The following ACVR1C variants were observed in gnomAD, a reference collection of about 807,000 sequenced individuals.
ACVR1C encodes activin A receptor type 1C.
A neutral mutation model predicts 57.9 loss-of-function variants in ACVR1C; 23 were observed. That is an observed-to-expected ratio of 0.40 (90% CI 0.29 to 0.56). ACVR1C has a LOEUF of 0.56. Among genes scored for constraint, ACVR1C ranks in the 20% least tolerant of loss-of-function variants. ACVR1C has a pLI of 0.50. For synonymous variants in ACVR1C, 214 were observed against 215.3 expected, an observed-to-expected ratio of 0.99 and a Z score of 0.05; for missense variants, 480 against 607.9, an observed-to-expected ratio of 0.79 and a Z score of 2.21.
chr2:157,565,457 C>A (rs1688346422), intron 2 of ACVR1C, among the ~76,000 whole-genome samples: 1 of 152,110 alleles, frequency 6.6e-6, no homozygotes, highest in South Asian at 2.1e-4. Context: ...TCGCTTAGAT[C>A]CCTCCAACAT....
intron 8 of ACVR1C, among the ~76,000 whole-genome samples, chr2:157,535,143 C>CAAAAAA: frequency 1.0e-5 from 1 of 95,998 alleles, no homozygotes; most frequent in South Asian, 3.5e-4. Flanking sequence ...AGACTCTGTC[C>CAAAAAA]AAAAAAAAAA....
At chr2:157,555,500 G>C (rs1001978420) in intron 3 of ACVR1C, among the ~76,000 whole-genome samples, 1 of 152,188 alleles carries the variant, frequency 6.6e-6, no homozygotes, top group Non-Finnish European at 1.5e-5. Flanking sequence ...GCCAGCAAAA[G>C]CCAGCACAGG....
intron 2 of ACVR1C, 142 bp from the exon 3 acceptor site, chr2:157,556,474 T>C (rs781655911): frequency 1.3e-5 from 14 of 1,102,076 alleles, no homozygotes; most frequent in Non-Finnish European, 1.8e-5. Context: ...AAAGGCTCTC[T>C]GTGGTATAAG....
chr2:157,584,149 T>C (rs1479457766), intron 2 of ACVR1C, among the ~76,000 whole-genome samples: 2 of 151,456 alleles, frequency 1.3e-5, no homozygotes, highest in South Asian at 2.1e-4. Flanking sequence ...TATAAAGAAC[T>C]CTTCCAATTC....
chr2:157,536,543 T>A (rs1403200898), intron 8 of ACVR1C, among the ~76,000 whole-genome samples: 1 of 152,164 alleles, frequency 6.6e-6, no homozygotes, highest in Non-Finnish European at 1.5e-5. Context: ...TAACCTAAAT[T>A]TCTATGGTTA....
chr2:157,538,736 G>T (rs745601280), intron 7 of ACVR1C, 33 bp from the exon 8 acceptor site: 4 of 1,440,238 alleles, frequency 2.8e-6, no homozygotes, highest in Non-Finnish European at 9.2e-7. Flanking sequence ...ATTTCCATGT[G>T]CAAATAATAA....
intron 3 of ACVR1C, among the ~76,000 whole-genome samples, chr2:157,553,646 T>C (rs1473725916): frequency 6.6e-6 from 1 of 152,200 alleles, no homozygotes; most frequent in Non-Finnish European, 1.5e-5. Context: ...AGTTCCAAAA[T>C]GCACGTTTTT....
chr2:157,628,706 G>A lies in ACVR1C; in HGVS notation c.-62C>T, dbSNP rs1682962933. The A allele has an allele frequency of 1.4e-6, 2 of 1,389,588 alleles. No homozygotes were observed. Among genetic ancestry groups the A allele is most frequent in the Non-Finnish European group, 1.9e-6 (2 of 1,057,370 alleles). The allele number at this position is 1,389,588 out of a possible 1,614,324, so 86.1% of individuals were successfully genotyped here. A position where few individuals can be genotyped will look rare whatever the true frequency, so the allele number is the denominator to read the frequency against. On this transcript the variant is annotated 5_prime_UTR_variant, in exon 1 of 9. Coordinates refer to ENST00000243349, the MANE Select transcript of ACVR1C (RefSeq NM_145259.3). Reference sequence around the variant, plus strand: ...AGAGCAGAGCGAGGCAGCCGGGGCAGCACGGCCCGCTTTGAAGTTCCCGGG... The same window carrying A: ...AGAGCAGAGCGAGGCAGCCGGGGCAACACGGCCCGCTTTGAAGTTCCCGGG...
At chr2:157,572,303 A>C (rs572922917) in intron 2 of ACVR1C, among the ~76,000 whole-genome samples, 29 of 148,254 alleles carry the variant, frequency 2.0e-4, no homozygotes, top group Admixed American at 2.0e-3. Flanking sequence ...CCAGCATGGC[A>C]CATGTATACA....
In ACVR1C at chr2:157,554,283, G is replaced by GGAAGGA. The variant is rs1339528061; in HGVS notation, c.544+1809_544+1810insTCCTTC. Among the ~76,000 whole-genome samples the GGAAGGA allele has an allele frequency of 9.3e-4, 102 of 109,958 alleles. 2 individuals are homozygous for GGAAGGA. Among genetic ancestry groups the GGAAGGA allele is most frequent in the African/African-American group, 4.3e-3 (93 of 21,782 alleles). 72.1% of individuals were successfully genotyped at this position (109,958 alleles called of 152,430 possible). On this transcript the variant is annotated intron_variant, in intron 3 of 8. Coordinates refer to ENST00000243349, the MANE Select transcript of ACVR1C (RefSeq NM_145259.3). Reference sequence around the variant, plus strand: ...AGAAAGAAAGAAAGGAAGGAAGGAAGAGAGAGAGAGAGAGAAAGAAAGAAA... The same window carrying GGAAGGA: ...AGAAAGAAAGAAAGGAAGGAAGGAAGGAAGGAAGAGAGAGAGAGAGAAAGAAAGAAA...
chr2:157,596,719 C>G (rs1403725571), intron 1 of ACVR1C, among the ~76,000 whole-genome samples: 1 of 152,146 alleles, frequency 6.6e-6, no homozygotes, highest in Non-Finnish European at 1.5e-5. Context: ...ATATACAAAT[C>G]TCCTTGACAG....
At chr2:157,606,346 T>C (rs554302969) in intron 1 of ACVR1C, among the ~76,000 whole-genome samples, 1 of 151,932 alleles carries the variant, frequency 6.6e-6, no homozygotes, top group East Asian at 1.9e-4. Flanking sequence ...TGAATGGTAG[T>C]TCTAATTTTA....
intron 2 of ACVR1C, among the ~76,000 whole-genome samples, chr2:157,557,858 A>C (rs950933424): frequency 5.3e-5 from 8 of 152,108 alleles, no homozygotes; most frequent in Non-Finnish European, 1.5e-5. Flanking sequence ...TTAGAAAAAA[A>C]GTGATACATG....
chr2:157,575,724 A>G (rs1688629465), intron 2 of ACVR1C, among the ~76,000 whole-genome samples: 5 of 152,222 alleles, frequency 3.3e-5, no homozygotes, highest in African/African-American at 1.2e-4. Context: ...AAAAAGTCTA[A>G]GTTCTCCCGT....
chr2:157,606,440 T>G (rs1457166108), intron 1 of ACVR1C, among the ~76,000 whole-genome samples: 1 of 151,940 alleles, frequency 6.6e-6, no homozygotes, highest in Non-Finnish European at 1.5e-5. Context: ...AGTTCACTTT[T>G]CTGTGGACAC....
intron 8 of ACVR1C, among the ~76,000 whole-genome samples, chr2:157,538,159 G>A (rs1310423163): frequency 6.6e-6 from 1 of 152,128 alleles, no homozygotes; most frequent in East Asian, 1.9e-4. Context: ...TGGAAAAGAT[G>A]TGTGTCACCT....
chr2:157,577,876 T>C (rs894805381), intron 2 of ACVR1C, among the ~76,000 whole-genome samples: 3 of 151,940 alleles, frequency 2.0e-5, no homozygotes, highest in Non-Finnish European at 4.4e-5. Context: ...TGTTTTTTTG[T>C]TTTTGTTTTT....
intron 1 of ACVR1C, among the ~76,000 whole-genome samples, chr2:157,599,109 C>T (rs1378205586): frequency 1.3e-5 from 2 of 151,598 alleles, no homozygotes; most frequent in South Asian, 2.1e-4. Flanking sequence ...ACGAGGCAGG[C>T]GGATCACGAA....
chr2:157,555,946 A>G, intron 3 of ACVR1C, 147 bp downstream of exon 3: 2 of 927,882 alleles, frequency 2.2e-6, no homozygotes, highest in African/African-American at 3.3e-5. Context: ...TTCCTCAGGT[A>G]CTAAAAGGAG....
Sources: allele counts gnomAD v4.1 joint callset (sites outside exome capture counted in the v4.1 genomes callset), GRCh38; gene constraint gnomAD v4.1.1; transcripts MANE v1.5; gene names NCBI Gene and HGNC (gene_info 2026-07-23, HGNC 2026-07-21).